NFASC: variants seen among roughly 807,000 people sequenced by gnomAD.
NFASC encodes neurofascin, also known as neurofascin homolog.
NFASC carries 43 observed loss-of-function variants against 147.5 expected under a neutral mutation model. That is an observed-to-expected ratio of 0.29 (90% CI 0.23 to 0.38). The LOEUF is 0.38. NFASC is among the 10% of genes least tolerant of loss of function. The pLI, the probability that NFASC is intolerant of heterozygous loss-of-function variation, is 1.00. For synonymous variants in NFASC, 622 were observed against 665.5 expected, an observed-to-expected ratio of 0.93 and a Z score of 1.01; for missense variants, 1,320 against 1,689.0, an observed-to-expected ratio of 0.78 and a Z score of 3.83.
intron 27 of NFASC, among the ~76,000 whole-genome samples, chr1:205,004,608 CTG>C (rs2096067648): frequency 6.6e-6 from 1 of 152,216 alleles, no homozygotes; most frequent in South Asian, 2.1e-4. Flanking sequence ...TTTCTGAAGT[CTG>C]TGGGTGTGTG....
chr1:204,926,406 A>ATTT (rs1202294421), intron 2 of NFASC, among the ~76,000 whole-genome samples: 446 of 13,844 alleles, frequency 0.032, 10 homozygotes, highest in Non-Finnish European at 0.063. Flanking sequence ...ATATATATAT[A>ATTT]TTTTTTTTTT....
At chr1:205,011,447 C>T (rs1428554112) in intron 28 of NFASC, among the ~76,000 whole-genome samples, 2 of 152,186 alleles carry the variant, frequency 1.3e-5, no homozygotes, top group Admixed American at 6.5e-5. Flanking sequence ...CTGCCTCCTC[C>T]GTCTGACAGT....
intron 21 of NFASC, among the ~76,000 whole-genome samples, chr1:204,985,129 T>C (rs2095589857): frequency 6.6e-6 from 1 of 152,250 alleles, no homozygotes; most frequent in Admixed American, 6.5e-5. Flanking sequence ...CCTCTAAGTC[T>C]GGACCCCTTC....
intron 27 of NFASC, among the ~76,000 whole-genome samples, chr1:205,006,829 G>T (rs1320520712): frequency 6.6e-6 from 1 of 152,212 alleles, no homozygotes; most frequent in African/African-American, 2.4e-5. Flanking sequence ...GGGGCAGGAA[G>T]ATGCAGGTTG....
intron 8 of NFASC, among the ~76,000 whole-genome samples, chr1:204,963,427 A>G (rs1420038892): frequency 1.3e-5 from 2 of 152,080 alleles, no homozygotes; most frequent in Non-Finnish European, 2.9e-5. Context: ...TCAGAGCCAG[A>G]AGTTCCCTTA....
intron 2 of NFASC, among the ~76,000 whole-genome samples, chr1:204,936,622 G>A (rs192142442): frequency 2.2e-4 from 33 of 152,166 alleles, no homozygotes; most frequent in African/African-American, 7.9e-4. Context: ...AAGAGTGTGG[G>A]GTGTCTGGTG....
intron 21 of NFASC, among the ~76,000 whole-genome samples, chr1:204,983,829 C>T (rs1236004201): frequency 6.6e-6 from 1 of 152,174 alleles, no homozygotes; most frequent in East Asian, 1.9e-4. Flanking sequence ...AGAGTCTCTT[C>T]CACCTAGACT....
chr1:204,958,288 C>T (rs915805830), intron 8 of NFASC, among the ~76,000 whole-genome samples: 13 of 151,786 alleles, frequency 8.6e-5, no homozygotes, highest in Non-Finnish European at 1.8e-4. Context: ...TATAAGAAAC[C>T]CATAGCAGAA....
At chr1:204,909,911 GT>G (rs982126229) in intron 1 of NFASC, among the ~76,000 whole-genome samples, 20 of 147,114 alleles carry the variant, frequency 1.4e-4, no homozygotes, top group South Asian at 8.6e-4. Context: ...TCTATTTTGG[GT>G]TTTTTTTTTA....
At position 204,944,040 on chromosome 1, in the gene NFASC, C is replaced by A. The variant is rs2149792772; in HGVS notation, c.-90-186C>A. 1.3e-5 allele frequency among the ~76,000 whole-genome samples: 2 copies of A among 152,302 alleles called. 1 individual carries two copies. Among genetic ancestry groups the A allele is most frequent in the South Asian group, 4.1e-4 (2 of 4,828 alleles). Reference sequence around the variant, plus strand: ...GCTAAACATCTTACAATACCCAGGACAGTTCCCCAGGCCAAGAATTGTTCA... The same window carrying A: ...GCTAAACATCTTACAATACCCAGGAAAGTTCCCCAGGCCAAGAATTGTTCA... On this transcript the variant is annotated intron_variant, in intron 2 of 29. Transcript: ENST00000339876.
At chr1:204,910,595 G>A (rs528916930) in intron 1 of NFASC, among the ~76,000 whole-genome samples, 24 of 152,076 alleles carry the variant, frequency 1.6e-4, no homozygotes, top group African/African-American at 4.8e-4. Flanking sequence ...AGAACTTCAG[G>A]TGCAAGACAC....
intron 1 of NFASC, among the ~76,000 whole-genome samples, chr1:204,855,712 A>T (rs1281762793): frequency 6.6e-6 from 1 of 152,064 alleles, no homozygotes; most frequent in African/African-American, 2.4e-5. Context: ...CTTGGACCTC[A>T]CCCTCCAACC....
chr1:204,889,656 G>A (rs1310763781), intron 1 of NFASC, among the ~76,000 whole-genome samples: 6 of 152,180 alleles, frequency 3.9e-5, no homozygotes, highest in African/African-American at 1.4e-4. Flanking sequence ...TTCCCTGAAG[G>A]AGGTAGTCTA....
rs555178411 is a variant in NFASC, at chr1:204,978,986, G to A, written c.1895G>A (p.Arg632Gln). The change falls in exon 18 of 30, where the codon CGG (arginine) becomes CAG (glutamine). Residue 632 changes from arginine to glutamine, a missense_variant. Coordinates refer to ENST00000339876, the MANE Select transcript of NFASC (RefSeq NM_001005388.3). ...ALPKGRPDRP[R>Q]DLELTDLAER... is the part of the protein sequence containing the mutation. ...CCACCAGGACGGCCAGACCGGCCCC[G>A]GGACCTGGAGCTGACCGACCTGGCC... 149 of 1,558,134 alleles carry A rather than the reference G, an allele frequency of 9.6e-5. No individual in the cohort carries two copies. Among genetic ancestry groups the A allele is most frequent in the Non-Finnish European group, 1.0e-4 (118 of 1,150,176 alleles).
At chr1:204,842,162 T>G (rs1675540590) in intron 1 of NFASC, among the ~76,000 whole-genome samples, 1 of 152,216 alleles carries the variant, frequency 6.6e-6, no homozygotes, top group South Asian at 2.1e-4. Flanking sequence ...GAACTGCAGA[T>G]ATGCAATGGG....
intron 2 of NFASC, among the ~76,000 whole-genome samples, chr1:204,936,519 A>C (rs145346866): frequency 3.8e-4 from 58 of 152,176 alleles, no homozygotes; most frequent in Non-Finnish European, 7.1e-4. Flanking sequence ...ATTCTTAAGA[A>C]ATCTTTAGCT....
At chr1:204,843,684 C>G (rs1363581946) in intron 1 of NFASC, among the ~76,000 whole-genome samples, 1 of 140,814 alleles carries the variant, frequency 7.1e-6, no homozygotes, top group African/African-American at 2.6e-5. Context: ...TCCTCCCTTC[C>G]TTTCTCCCTT....
intron 7 of NFASC, among the ~76,000 whole-genome samples, chr1:204,956,030 C>T (rs945018972): frequency 1.3e-5 from 2 of 152,188 alleles, no homozygotes; most frequent in African/African-American, 4.8e-5. Context: ...CTTGTTAATT[C>T]ACAGTTCAAC....
chr1:204,855,033 C>T (rs2076030176), intron 1 of NFASC, among the ~76,000 whole-genome samples: 1 of 152,222 alleles, frequency 6.6e-6, no homozygotes, highest in Non-Finnish European at 1.5e-5. Flanking sequence ...GACAGCACTG[C>T]AAGGTACTCT....
Sources: gnomAD v4.1 joint callset for allele counts (sites outside exome capture counted in the v4.1 genomes callset) on GRCh38, gnomAD v4.1.1 for gene constraint, MANE v1.5 for transcripts, NCBI Gene and HGNC (gene_info 2026-07-23, HGNC 2026-07-21) for gene names.